The following CCSER1 variants were observed in gnomAD, a reference collection of about 807,000 sequenced individuals.
CCSER1 encodes the protein coiled-coil serine rich protein 1.
CCSER1 carries 41 observed loss-of-function variants against 82.0 expected under a neutral mutation model. The ratio of observed to expected loss-of-function variants is 0.50; its 90% CI spans 0.39 to 0.65. The LOEUF (loss-of-function observed/expected upper bound fraction) is 0.65. CCSER1 is among the 30% of genes least tolerant of loss of function. CCSER1 has a pLI of 0.00. For missense variants in CCSER1, 1,119 were observed against 1,064.2 expected (o/e 1.05, Z -0.72); for synonymous variants, 414 against 383.9 (o/e 1.08, Z -0.92).
chr4:90,479,527 TC>T (rs1765602312), intron 5 of CCSER1, among the ~76,000 whole-genome samples: 2 of 150,520 alleles, frequency 1.3e-5, no homozygotes, highest in South Asian at 4.3e-4. Context: ...CCCTCCCCGC[TC>T]CCCCCACCCC....
At chr4:90,431,302 T>C (rs767598583) in intron 4 of CCSER1, among the ~76,000 whole-genome samples, 6 of 152,084 alleles carry the variant, frequency 3.9e-5, no homozygotes, top group Non-Finnish European at 8.8e-5. Context: ...TATTGTGTTG[T>C]CTAGCTCTGT....
intron 8 of CCSER1, among the ~76,000 whole-genome samples, chr4:90,877,540 A>C (rs1186946459): frequency 2.0e-5 from 3 of 152,068 alleles, no homozygotes; most frequent in African/African-American, 2.4e-5. Context: ...TACCTCAAAA[A>C]AGTTATTGAA....
intron 6 of CCSER1, among the ~76,000 whole-genome samples, chr4:90,645,976 C>G (rs1727505288): frequency 2.6e-5 from 4 of 152,164 alleles, no homozygotes; most frequent in Admixed American, 2.6e-4. Context: ...ACATCCAAGA[C>G]TATGTATCTT....
At chr4:90,284,849 A>G (rs1415638386) in intron 1 of CCSER1, among the ~76,000 whole-genome samples, 1 of 151,946 alleles carries the variant, frequency 6.6e-6, no homozygotes, top group African/African-American at 2.4e-5. Flanking sequence ...TCTTCTGCAT[A>G]TGGATATCCA....
intron 10 of CCSER1, among the ~76,000 whole-genome samples, chr4:91,296,764 A>G (rs930585817): frequency 1.3e-5 from 2 of 151,284 alleles, no homozygotes; most frequent in African/African-American, 2.4e-5. Flanking sequence ...TAAATCACTG[A>G]CAAGGTTAGA....
At chr4:91,122,122 G>C (rs1013006421) in intron 10 of CCSER1, among the ~76,000 whole-genome samples, 2 of 151,556 alleles carry the variant, frequency 1.3e-5, no homozygotes, top group African/African-American at 4.8e-5. Context: ...GATTCTAAGG[G>C]ACTAAGCTTG....
intron 10 of CCSER1, among the ~76,000 whole-genome samples, chr4:91,164,223 A>G (rs941950279): frequency 1.3e-5 from 2 of 152,192 alleles, no homozygotes; most frequent in African/African-American, 4.8e-5. Flanking sequence ...TTCTGGGTTG[A>G]AAATTCTTTC....
intron 9 of CCSER1, among the ~76,000 whole-genome samples, chr4:90,956,627 A>G (rs368493272): frequency 6.6e-6 from 1 of 152,152 alleles, no homozygotes; most frequent in South Asian, 2.1e-4. Flanking sequence ...TTTCAAAATT[A>G]GGTTTCTTAT....
intron 1 of CCSER1, among the ~76,000 whole-genome samples, chr4:90,130,188 G>A (rs189160759): frequency 1.3e-5 from 2 of 152,296 alleles, no homozygotes; most frequent in East Asian, 3.9e-4. Flanking sequence ...CGTTTGCAAA[G>A]TACTACTGTC....
intron 10 of CCSER1, among the ~76,000 whole-genome samples, chr4:91,339,131 T>G (rs564172504): frequency 6.6e-6 from 1 of 152,272 alleles, no homozygotes; most frequent in Admixed American, 6.5e-5. Context: ...GAAGGAATTT[T>G]GGTATAGGAA....
Position 91,068,847 on chromosome 4 carries a change from T to C in CCSER1, c.2173-17103T>C, listed in dbSNP as rs374012229. On this transcript the variant is annotated intron_variant, in intron 9 of 10. Coordinates refer to ENST00000509176, the MANE Select transcript of CCSER1 (RefSeq NM_001145065.2). The stretch of plus-strand genomic sequence containing the variant: ...ATACACTTATTTAGTTGAAATCGTT[T>C]AGGTAACAATGCTCAAATATTAAAA... Among the ~76,000 whole-genome samples, 58 of 152,298 alleles carry C rather than the reference T, an allele frequency of 3.8e-4. 1 individual carries two copies. The South Asian group carries it at 8.5e-3, about 22-fold the overall frequency.
intron 5 of CCSER1, among the ~76,000 whole-genome samples, chr4:90,545,757 T>C (rs1187835081): frequency 6.6e-6 from 1 of 152,160 alleles, no homozygotes; most frequent in Non-Finnish European, 1.5e-5. Context: ...CTTCGGAACA[T>C]TTAAAAAGAT....
intron 1 of CCSER1, among the ~76,000 whole-genome samples, chr4:90,189,794 T>C (rs1397250531): frequency 1.3e-5 from 2 of 152,004 alleles, no homozygotes; most frequent in Non-Finnish European, 2.9e-5. Context: ...CCCTGATATT[T>C]TCTTAACAGA....
At chr4:90,853,085 A>G (rs1764071182) in intron 8 of CCSER1, among the ~76,000 whole-genome samples, 1 of 152,106 alleles carries the variant, frequency 6.6e-6, no homozygotes, top group South Asian at 2.1e-4. Flanking sequence ...TCAAAACAAC[A>G]GCAAGAACAA....
chr4:90,661,256 T>C (rs1730718571), intron 6 of CCSER1, among the ~76,000 whole-genome samples: 1 of 152,206 alleles, frequency 6.6e-6, no homozygotes, highest in Non-Finnish European at 1.5e-5. Context: ...TTAAAACTGC[T>C]TTAGTATTTA....
intron 10 of CCSER1, among the ~76,000 whole-genome samples, chr4:91,221,535 T>C (rs1392394686): frequency 1.3e-5 from 2 of 150,306 alleles, no homozygotes; most frequent in Non-Finnish European, 2.9e-5. Flanking sequence ...TTGTGTATTT[T>C]CAATGGAATG....
intron 1 of CCSER1, among the ~76,000 whole-genome samples, chr4:90,300,470 T>G (rs1732883979): frequency 6.6e-6 from 1 of 152,138 alleles, no homozygotes; most frequent in South Asian, 2.1e-4. Context: ...ATGTTCCAGT[T>G]TATAGTCTTA....
intron 10 of CCSER1, among the ~76,000 whole-genome samples, chr4:91,373,661 C>T (rs372710446): frequency 6.6e-6 from 1 of 152,092 alleles, no homozygotes; most frequent in South Asian, 2.1e-4. Context: ...CAGTTAATGA[C>T]CCTACAATGG....
intron 5 of CCSER1, among the ~76,000 whole-genome samples, chr4:90,583,073 TC>T (rs1249565082): frequency 1.3e-5 from 2 of 152,196 alleles, no homozygotes; most frequent in African/African-American, 4.8e-5. Context: ...TTATTTTACC[TC>T]AAATTAACCA....
Sources: allele counts gnomAD v4.1 joint callset (sites outside exome capture counted in the v4.1 genomes callset), GRCh38; gene constraint gnomAD v4.1.1; transcripts MANE v1.5; gene names NCBI Gene and HGNC (gene_info 2026-07-23, HGNC 2026-07-21).